WWC1: variants seen among roughly 807,000 people sequenced by gnomAD.
WWC1 encodes the protein WW and C2 domain containing 1, also known as protein KIBRA.
A neutral mutation model predicts 138.4 loss-of-function variants in WWC1; 55 were observed. The observed-to-expected ratio is 0.40, with a 90% CI of 0.32 to 0.50. The LOEUF is 0.50. WWC1 is among the 20% of genes least tolerant of loss of function. The pLI, the probability that WWC1 is intolerant of heterozygous loss-of-function variation, is 0.72. For synonymous variants in WWC1, 524 were observed against 564.9 expected (o/e 0.93, Z 1.03); for missense variants, 1,226 against 1,420.4 (o/e 0.86, Z 2.20).
chr5:168,350,128 G>A (rs188392871), intron 1 of WWC1, among the ~76,000 whole-genome samples: 69 of 152,246 alleles, frequency 4.5e-4, no homozygotes, highest in African/African-American at 1.6e-3. Context: ...TCAATGCAGG[G>A]CTCCAGTTGT....
intron 1 of WWC1, among the ~76,000 whole-genome samples, chr5:168,335,965 G>A (rs1038566950): frequency 6.6e-6 from 1 of 152,198 alleles, no homozygotes; most frequent in African/African-American, 2.4e-5. Context: ...CAAATCGCTT[G>A]TCCTCTCTGG....
Position 168,331,593 on chromosome 5 carries a change from G to A in WWC1, c.119+39322G>A, listed in dbSNP as rs1047823775. On this transcript the variant is annotated intron_variant, in intron 1 of 22. Transcript: ENST00000265293. ...GTTTTGCACGTTAATATCTTCGAAT[G>A]TGAGGTACTCTTATCAATGCTGTTG... Among the ~76,000 whole-genome samples the A allele has an allele frequency of 4.6e-5, 7 of 152,332 alleles. No homozygotes were observed. The East Asian group carries it at 1.3e-3, about 29-fold the overall frequency.
At chr5:168,426,755 C>G (rs1320068037) in intron 11 of WWC1, among the ~76,000 whole-genome samples, 1 of 152,222 alleles carries the variant, frequency 6.6e-6, no homozygotes, top group Non-Finnish European at 1.5e-5. Context: ...GCCTGCCATG[C>G]CCTGGACTCT....
intron 1 of WWC1, among the ~76,000 whole-genome samples, chr5:168,357,445 C>CT (rs1219684532): frequency 1.8e-5 from 2 of 113,492 alleles, no homozygotes; most frequent in African/African-American, 6.3e-5. Context: ...GGCAACCTGC[C>CT]TTCTGTGTGT....
Position 168,469,396 on chromosome 5 carries a change from C to A in WWC1, c.*379C>A, listed in dbSNP as rs1170439887. ...ACAGCTCCACCTTTTAGAGGTCTTA[C>A]TGCAATAAGAAGTAATGCCTGGGGG... On this transcript the variant is annotated 3_prime_UTR_variant, in exon 23 of 23. Coordinates refer to ENST00000265293, the MANE Select transcript of WWC1 (RefSeq NM_015238.3). 1 of 196,686 alleles carries A rather than the reference C, an allele frequency of 5.1e-6. No homozygotes were observed. Among genetic ancestry groups the A allele is most frequent in the Non-Finnish European group, 1.1e-5 (1 of 95,108 alleles). The allele number at this position is 196,686 out of a possible 1,614,324, so 12.2% of individuals were successfully genotyped here.
chr5:168,362,778 A>G (rs1188621002), intron 1 of WWC1, among the ~76,000 whole-genome samples: 1 of 152,188 alleles, frequency 6.6e-6, no homozygotes. Context: ...GGATGGACCC[A>G]AAGGGCACAG....
chr5:168,438,442 T>C (rs1754444736), intron 15 of WWC1, among the ~76,000 whole-genome samples: 1 of 152,196 alleles, frequency 6.6e-6, no homozygotes, highest in Non-Finnish European at 1.5e-5. Context: ...AAGTGTTTGC[T>C]TCCCCTTCTG....
intron 5 of WWC1, among the ~76,000 whole-genome samples, chr5:168,403,645 A>AG (rs1292851736): frequency 6.6e-6 from 1 of 152,158 alleles, no homozygotes; most frequent in African/African-American, 2.4e-5. Context: ...CCTTGCAAAT[A>AG]GGGAAGAGTG....
chr5:168,368,181 C>G (rs1398010996), intron 1 of WWC1, among the ~76,000 whole-genome samples: 1 of 151,754 alleles, frequency 6.6e-6, no homozygotes, highest in Non-Finnish European at 1.5e-5. Flanking sequence ...ACCTCCACCT[C>G]CCGGGTTCAA....
At chr5:168,438,452 G>C (rs1278003501) in intron 15 of WWC1, among the ~76,000 whole-genome samples, 2 of 152,140 alleles carry the variant, frequency 1.3e-5, no homozygotes, top group African/African-American at 4.8e-5. Context: ...TTCCCCTTCT[G>C]CCATGATTAT....
intron 1 of WWC1, among the ~76,000 whole-genome samples, chr5:168,312,186 T>C (rs1771160779): frequency 6.6e-6 from 1 of 151,408 alleles, no homozygotes; most frequent in African/African-American, 2.4e-5. Context: ...CATTACACTC[T>C]AGCCTGGGTG....
intron 1 of WWC1, among the ~76,000 whole-genome samples, chr5:168,359,503 A>G (rs1775721585): frequency 6.6e-6 from 1 of 152,176 alleles, no homozygotes; most frequent in South Asian, 2.1e-4. Flanking sequence ...TGATGGACAT[A>G]TGGATTGTTT....
intron 16 of WWC1, among the ~76,000 whole-genome samples, chr5:168,443,014 G>A (rs1754922979): frequency 6.6e-6 from 1 of 152,136 alleles, no homozygotes; most frequent in African/African-American, 2.4e-5. Context: ...GAACTCAGTT[G>A]AGCAGTGAAG....
intron 1 of WWC1, among the ~76,000 whole-genome samples, chr5:168,365,320 T>A (rs1776201579): frequency 6.6e-6 from 1 of 152,052 alleles, no homozygotes; most frequent in Non-Finnish European, 1.5e-5. Flanking sequence ...GAGGGCCCTT[T>A]AGAAAGTGAT....
Position 168,292,007 on chromosome 5 carries a change from C to T in WWC1, c.-146C>T. ...GGACAGCGGCGCCACCCCGGCCGGC[C>T]CCTACTAGGGCCCCCCATCTGCGGG... On this transcript the variant is annotated 5_prime_UTR_variant, in exon 1 of 23. Coordinates refer to ENST00000265293, the MANE Select transcript of WWC1 (RefSeq NM_015238.3). The surrounding 1 kb of genome is among the most constrained non-coding windows in gnomAD (Gnocchi z 4.4). 1 of 937,914 alleles carries T rather than the reference C, an allele frequency of 1.1e-6. No individual in the cohort carries two copies. Among genetic ancestry groups the T allele is most frequent in the Non-Finnish European group, 1.4e-6 (1 of 697,112 alleles). 58.1% of individuals were successfully genotyped at this position (937,914 alleles called of 1,614,324 possible).
At chr5:168,314,982 C>T (rs1016929850) in intron 1 of WWC1, among the ~76,000 whole-genome samples, 22 of 152,262 alleles carry the variant, frequency 1.4e-4, no homozygotes, top group African/African-American at 3.9e-4. Context: ...CTCCCCCGCC[C>T]GTCTCAGAAG....
chr5:168,305,024 C>G (rs1055915861), intron 1 of WWC1, among the ~76,000 whole-genome samples: 2 of 152,016 alleles, frequency 1.3e-5, no homozygotes. Flanking sequence ...AGGGTTTCTC[C>G]ATGTTGGTCA....
chr5:168,358,666 A>G (rs1385629428), intron 1 of WWC1, among the ~76,000 whole-genome samples: 1 of 152,186 alleles, frequency 6.6e-6, no homozygotes, highest in Non-Finnish European at 1.5e-5. Flanking sequence ...GATTGTTTTA[A>G]ATAAGCTAAT....
At chr5:168,367,534 T>A (rs1450105665) in intron 1 of WWC1, among the ~76,000 whole-genome samples, 1 of 33,282 alleles carries the variant, frequency 3.0e-5, no homozygotes, top group Non-Finnish European at 7.2e-5. Context: ...GGTTTCACCG[T>A]GGTCTCGATC....
Sources: allele counts gnomAD v4.1 joint callset (sites outside exome capture counted in the v4.1 genomes callset), GRCh38; gene constraint gnomAD v4.1.1; non-coding constraint Gnocchi (gnomAD v3.1); transcripts MANE v1.5; gene names NCBI Gene and HGNC (gene_info 2026-07-23, HGNC 2026-07-21).